The following LRRK2 variants were observed in gnomAD, a reference collection of about 807,000 sequenced individuals.
LRRK2 encodes leucine rich repeat kinase 2, also known as leucine-rich repeat serine/threonine-protein kinase 2.
A neutral mutation model predicts 302.6 loss-of-function variants in LRRK2; 203 were observed. That is an observed-to-expected ratio of 0.67 (90% CI 0.60 to 0.75). The LOEUF (loss-of-function observed/expected upper bound fraction) is 0.75, where lower values mean the gene tolerates loss of function less well. Ranked by LOEUF, LRRK2 falls within the 30% of genes least tolerant of loss-of-function variation. The pLI is 0.00. For missense variants in LRRK2, 2,830 were observed against 2,951.0 expected (o/e 0.96, Z 0.95); for synonymous variants, 1,066 against 1,031.9 (o/e 1.03, Z -0.63).
intron 18 of LRRK2, among the ~76,000 whole-genome samples, chr12:40,283,043 TTA>T (rs1491565956): frequency 6.7e-6 from 1 of 148,160 alleles, no homozygotes; most frequent in African/African-American, 2.6e-5. Context: ...TAGGATTTTT[TTA>T]AAAAAAAGAT....
intron 21 of LRRK2, among the ~76,000 whole-genome samples, chr12:40,294,359 C>A (rs1213687008): frequency 6.6e-6 from 1 of 151,924 alleles, no homozygotes; most frequent in Non-Finnish European, 1.5e-5. Flanking sequence ...TTCTCAGGTT[C>A]ACTTTGAAAG....
intron 42 of LRRK2, among the ~76,000 whole-genome samples, chr12:40,347,764 A>C (rs1946235273): frequency 6.6e-6 from 1 of 152,172 alleles, no homozygotes; most frequent in African/African-American, 2.4e-5. Context: ...GGAGCTGGAG[A>C]CCAGCCTGGC....
chr12:40,316,709 T>A (rs979712306), intron 33 of LRRK2, among the ~76,000 whole-genome samples: 1 of 152,054 alleles, frequency 6.6e-6, no homozygotes, highest in African/African-American at 2.4e-5. Flanking sequence ...TATTTGGCAA[T>A]TTAAAGAATG....
intron 20 of LRRK2, among the ~76,000 whole-genome samples, chr12:40,288,335 T>C (rs796692702): frequency 6.6e-6 from 1 of 151,918 alleles, no homozygotes; most frequent in East Asian, 1.9e-4. Flanking sequence ...CATATTCATG[T>C]GGTCATTGTC....
chr12:40,328,136 G>T (rs574827211), intron 38 of LRRK2, among the ~76,000 whole-genome samples: 1 of 152,226 alleles, frequency 6.6e-6, no homozygotes, highest in East Asian at 1.9e-4. Context: ...AATTGAGCAG[G>T]GTATGTGTAG....
At chr12:40,362,865 G>C (rs1209472358) in intron 47 of LRRK2, among the ~76,000 whole-genome samples, 1 of 152,000 alleles carries the variant, frequency 6.6e-6, no homozygotes, top group African/African-American at 2.4e-5. Flanking sequence ...TTTATGTTTG[G>C]ATGATGTGGA....
intron 7 of LRRK2, among the ~76,000 whole-genome samples, chr12:40,248,913 G>A (rs1376955353): frequency 6.6e-6 from 1 of 152,174 alleles, no homozygotes; most frequent in African/African-American, 2.4e-5. Context: ...ATTTTTGCTT[G>A]GTGGGTGAAT....
At chr12:40,230,559 A>T (rs1941127292) in intron 2 of LRRK2, among the ~76,000 whole-genome samples, 1 of 152,174 alleles carries the variant, frequency 6.6e-6, no homozygotes, top group South Asian at 2.1e-4. Flanking sequence ...GAGTAATTTC[A>T]ACTCACACTG....
intron 28 of LRRK2, among the ~76,000 whole-genome samples, chr12:40,308,120 A>G (rs548563765): frequency 6.6e-6 from 1 of 152,090 alleles, no homozygotes; most frequent in Admixed American, 6.6e-5. Context: ...AAGACATTAG[A>G]ATATGTATAC....
At chr12:40,350,048 T>A (rs1219012021) in intron 43 of LRRK2, among the ~76,000 whole-genome samples, 2 of 152,194 alleles carry the variant, frequency 1.3e-5, no homozygotes, top group African/African-American at 4.8e-5. Flanking sequence ...TTCAGCAACC[T>A]TTTGCTCCCT....
In LRRK2 at chr12:40,225,081, A is replaced by G. The variant is rs1189522325; in HGVS notation, c.-51A>G. The G allele has an allele frequency of 1.9e-6, 3 of 1,610,304 alleles. No homozygotes were observed. Among genetic ancestry groups the G allele is most frequent in the African/African-American group, 2.7e-5 (2 of 74,780 alleles). ...GGCCGGCGCCCCTGCCGGTTCCCTG[A>G]GCAGCGGACGTTCATGCTGGGAGGG... On this transcript the variant is annotated 5_prime_UTR_variant, in exon 1 of 51. Transcript: ENST00000298910.
chr12:40,330,000 G>A (rs1945668464), intron 39 of LRRK2, among the ~76,000 whole-genome samples: 1 of 152,114 alleles, frequency 6.6e-6, no homozygotes, highest in African/African-American at 2.4e-5. Context: ...CTTTCTTCTT[G>A]AAGACATTCC....
At chr12:40,298,830 T>TAAAAAA (rs1565727098) in intron 24 of LRRK2, among the ~76,000 whole-genome samples, 2 of 115,798 alleles carry the variant, frequency 1.7e-5, no homozygotes, top group African/African-American at 6.4e-5. Context: ...AATACATATA[T>TAAAAAA]TATATATATT....
intron 23 of LRRK2, 103 bp from the exon 24 acceptor site, chr12:40,298,140 T>C: frequency 4.9e-6 from 6 of 1,220,966 alleles, no homozygotes; most frequent in Admixed American, 2.1e-5. Flanking sequence ...TTTTGAAAAT[T>C]CTTGATGGTT....
chr12:40,319,659 G>A (rs1013363911), intron 33 of LRRK2, among the ~76,000 whole-genome samples: 2 of 152,032 alleles, frequency 1.3e-5, no homozygotes, highest in African/African-American at 4.8e-5. Context: ...ATATATTATT[G>A]ATGAGACTGC....
intron 14 of LRRK2, among the ~76,000 whole-genome samples, chr12:40,269,191 T>C (rs891100968): frequency 2.0e-5 from 3 of 152,180 alleles, no homozygotes; most frequent in Admixed American, 2.0e-4. Flanking sequence ...CTCATGTACA[T>C]AAAGATTATT....
chr12:40,340,874 T>TA lies in LRRK2; in HGVS notation c.6109+426dup, dbSNP rs1448359205. 2.0e-5 allele frequency among the ~76,000 whole-genome samples: 3 copies of TA among 152,332 alleles called. No individual in the cohort carries two copies. The South Asian group carries it at 6.2e-4, about 32-fold the overall frequency. ...GAACTCTGAAAATCCCAAGATTTTT[T>TA]AAAAAATGACTAATTTGGTGTCAAA... On this transcript the variant is annotated intron_variant, in intron 41 of 50. Transcript: ENST00000298910.
At chr12:40,336,674 G>A (rs993456590) in intron 40 of LRRK2, among the ~76,000 whole-genome samples, 2 of 152,170 alleles carry the variant, frequency 1.3e-5, no homozygotes, top group African/African-American at 4.8e-5. Context: ...TCCTGAAAGG[G>A]TCCAGAAACT....
intron 41 of LRRK2, among the ~76,000 whole-genome samples, chr12:40,342,583 A>G (rs186902440): frequency 6.6e-6 from 1 of 151,682 alleles, no homozygotes; most frequent in East Asian, 1.9e-4. Flanking sequence ...TCTGCCTCCA[A>G]TTTTAAATAA....
Sources: allele counts gnomAD v4.1 joint callset (sites outside exome capture counted in the v4.1 genomes callset), GRCh38; gene constraint gnomAD v4.1.1; transcripts MANE v1.5; gene names NCBI Gene and HGNC (gene_info 2026-07-23, HGNC 2026-07-21).